The following EFR3B variants were observed in gnomAD, a reference collection of about 807,000 sequenced individuals.
EFR3B encodes EFR3 homolog B.
EFR3B carries 64 observed loss-of-function variants against 104.7 expected under a neutral mutation model. The observed-to-expected ratio is 0.61, with a 90% CI of 0.50 to 0.75. The LOEUF (loss-of-function observed/expected upper bound fraction) is 0.75, where lower values mean the gene tolerates loss of function less well. Among genes scored for constraint, EFR3B ranks in the 30% least tolerant of loss-of-function variants. EFR3B has a pLI of 0.00. For synonymous variants in EFR3B, 385 were observed against 417.9 expected, an observed-to-expected ratio of 0.92 and a Z score of 0.96; for missense variants, 750 against 1,078.5, an observed-to-expected ratio of 0.70 and a Z score of 4.27.
intron 4 of EFR3B, among the ~76,000 whole-genome samples, chr2:25,109,962 G>A (rs1441246912): frequency 6.6e-6 from 1 of 152,102 alleles, no homozygotes; most frequent in Admixed American, 6.5e-5. Context: ...AAGCCCACTC[G>A]GAGGCTGGTG....
In EFR3B at chr2:25,131,610, G is replaced by A. The variant is rs560703086; in HGVS notation, c.985+107G>A. ...GGAGGGGTCGGAGTCCGTTTTCCTCGGGAGAAGTCCGCCAGGAAGTTGGGA... is the reference window on the plus strand; with the variant it reads ...GGAGGGGTCGGAGTCCGTTTTCCTCAGGAGAAGTCCGCCAGGAAGTTGGGA... On this transcript the variant is annotated intron_variant, in intron 9 of 22. Transcript: ENST00000403714. This position sits in a 1 kb window ranked among gnomAD's most constrained non-coding sequence, Gnocchi z 7.6. The A allele has an allele frequency of 2.9e-5, 43 of 1,503,994 alleles. No homozygotes were observed. Among genetic ancestry groups the A allele is most frequent in the Non-Finnish European group, 3.6e-5 (40 of 1,120,804 alleles). The allele number at this position is 1,503,994 out of a possible 1,614,324, so 93.2% of individuals were successfully genotyped here.
chr2:25,108,019 G>T (rs1423811208), intron 4 of EFR3B, among the ~76,000 whole-genome samples: 1 of 151,748 alleles, frequency 6.6e-6, no homozygotes, highest in Non-Finnish European at 1.5e-5. Context: ...TTTTTAGTAG[G>T]GATGGGGTTT....
rs754020231 is a variant in EFR3B at position 25,133,397 on chromosome 2, G to A, written c.1274G>A (p.Arg425His). 4.5e-6 allele frequency: 7 copies of A among 1,552,238 alleles called. No individual in the cohort carries two copies. The South Asian group carries it at 4.8e-5, about 11-fold the overall frequency. Residue 425 changes from arginine (R) to histidine (H), a missense_variant, in exon 12 of 23, where the codon CGT becomes CAT. Arg to His is a conservative substitution (Grantham distance 29). Coordinates refer to ENST00000403714, the MANE Select transcript of EFR3B (RefSeq NM_014971.2). Reference sequence around the variant, plus strand: ...CTGGTCTACAGGGAGAATAGGAACCGTCTGACCCAGATTATGCTGCTAAAA... The same window carrying A: ...CTGGTCTACAGGGAGAATAGGAACCATCTGACCCAGATTATGCTGCTAAAA... ...DTGRTGENRN[R>H]LTQIMLLKSL... is the part of the protein sequence containing the mutation.
intron 4 of EFR3B, among the ~76,000 whole-genome samples, chr2:25,115,217 A>C (rs1183569474): frequency 1.3e-5 from 2 of 152,166 alleles, no homozygotes; most frequent in Non-Finnish European, 2.9e-5. Flanking sequence ...CAGATACCTA[A>C]GCCCAACCCC....
chr2:25,089,430 C>G (rs1669051958), intron 1 of EFR3B, among the ~76,000 whole-genome samples: 1 of 152,138 alleles, frequency 6.6e-6, no homozygotes, highest in Admixed American at 6.5e-5. Flanking sequence ...TTTTTTAGTC[C>G]TAACTTCCCC....
intron 16 of EFR3B, among the ~76,000 whole-genome samples, chr2:25,140,181 C>T (rs1573233140): frequency 2.6e-5 from 4 of 152,158 alleles, no homozygotes; most frequent in South Asian, 4.2e-4. Flanking sequence ...GGCATGGTGG[C>T]GCACACCTGT....
chr2:25,110,318 G>A (rs1271547877), intron 4 of EFR3B, among the ~76,000 whole-genome samples: 1 of 152,114 alleles, frequency 6.6e-6, no homozygotes, highest in African/African-American at 2.4e-5. Context: ...TGTGGGTTGG[G>A]GCCTCTACAC....
intron 20 of EFR3B, among the ~76,000 whole-genome samples, chr2:25,151,256 CTTTT>C (rs1670998314): frequency 6.6e-6 from 1 of 151,772 alleles, no homozygotes; most frequent in Non-Finnish European, 1.5e-5. Flanking sequence ...TGTCCCTCTT[CTTTT>C]TTTGTTTATT....
chr2:25,085,589 C>A (rs1243838100), intron 1 of EFR3B, among the ~76,000 whole-genome samples: 2 of 152,046 alleles, frequency 1.3e-5, no homozygotes, highest in African/African-American at 4.8e-5. Context: ...CTCAGTCTCC[C>A]AAGTAGCTGG....
At chr2:25,132,487 G>T (rs988728807) in intron 10 of EFR3B, among the ~76,000 whole-genome samples, 2 of 152,082 alleles carry the variant, frequency 1.3e-5, no homozygotes, top group African/African-American at 4.8e-5. Flanking sequence ...CCTGGAGTAG[G>T]CAGGTTAGGA....
intron 1 of EFR3B, among the ~76,000 whole-genome samples, chr2:25,060,136 C>T (rs1181702824): frequency 1.3e-5 from 2 of 151,906 alleles, no homozygotes; most frequent in Non-Finnish European, 2.9e-5. Flanking sequence ...GCGGAGGTTG[C>T]AGTGAGCTGA....
intron 3 of EFR3B, among the ~76,000 whole-genome samples, chr2:25,094,015 G>T (rs1393129170): frequency 3.3e-5 from 5 of 152,030 alleles, no homozygotes; most frequent in African/African-American, 1.2e-4. Flanking sequence ...GACCAGGCAC[G>T]GTGGCTCATA....
At chr2:25,134,402 T>C (rs1262534795) in intron 12 of EFR3B, among the ~76,000 whole-genome samples, 2 of 152,162 alleles carry the variant, frequency 1.3e-5, no homozygotes, top group Non-Finnish European at 2.9e-5. Flanking sequence ...ACTCCTGACC[T>C]CAAGTGATCC....
chr2:25,150,071 G>A (rs769385978), intron 20 of EFR3B, among the ~76,000 whole-genome samples: 6 of 152,186 alleles, frequency 3.9e-5, no homozygotes, highest in African/African-American at 1.4e-4. Flanking sequence ...GGAGGCTGAG[G>A]TGGGTGGATC....
intron 1 of EFR3B, among the ~76,000 whole-genome samples, chr2:25,069,408 G>C (rs1668428903): frequency 6.6e-6 from 1 of 152,112 alleles, no homozygotes; most frequent in East Asian, 1.9e-4. Context: ...ACTAATGTAG[G>C]CTAGGCGACC....
Position 25,137,851 on chromosome 2 carries a change from C to A in EFR3B, c.1722+349C>A, listed in dbSNP as rs924608793. Among the ~76,000 whole-genome samples, 5 of 152,194 alleles carry A rather than the reference C, an allele frequency of 3.3e-5. No homozygotes were observed. Among genetic ancestry groups the A allele is most frequent in the African/African-American group, 1.2e-4 (5 of 41,450 alleles). ...GATGCTCATAAGCCCTGAGTGATCCCAGACAAACTCATTTGTCTAAAGATT... is the reference window on the plus strand; with the variant it reads ...GATGCTCATAAGCCCTGAGTGATCCAAGACAAACTCATTTGTCTAAAGATT... On this transcript the variant is annotated intron_variant, in intron 15 of 22. Transcript: ENST00000403714. The surrounding 1 kb of genome is among the most constrained non-coding windows in gnomAD (Gnocchi z 4.7).
At chr2:25,134,572 A>G (rs2149207070) in intron 12 of EFR3B, among the ~76,000 whole-genome samples, 1 of 151,768 alleles carries the variant, frequency 6.6e-6, no homozygotes, top group Non-Finnish European at 1.5e-5. Flanking sequence ...TCATCTCTCA[A>G]TCTCTGTCTC....
chr2:25,084,170 C>G (rs1245601897), intron 1 of EFR3B, among the ~76,000 whole-genome samples: 1 of 152,000 alleles, frequency 6.6e-6, no homozygotes, highest in Non-Finnish European at 1.5e-5. Context: ...AGTACCTATG[C>G]CATGGGTTTG....
chr2:25,083,893 C>T (rs1668876978), intron 1 of EFR3B, among the ~76,000 whole-genome samples: 1 of 152,154 alleles, frequency 6.6e-6, no homozygotes, highest in African/African-American at 2.4e-5. Context: ...TAACCAGATC[C>T]CCAAGGGACA....
Sources: gnomAD v4.1 joint callset for allele counts (sites outside exome capture counted in the v4.1 genomes callset) on GRCh38, gnomAD v4.1.1 for gene constraint, Gnocchi (gnomAD v3.1) non-coding constraint, MANE v1.5 for transcripts, NCBI Gene and HGNC (gene_info 2026-07-23, HGNC 2026-07-21) for gene names.